NAV3: variants seen among roughly 807,000 people sequenced by gnomAD.
NAV3 encodes neuron navigator 3.
Under a neutral mutation model 244.7 loss-of-function variants are expected in NAV3, and 87 were observed. The ratio of observed to expected loss-of-function variants is 0.36; its 90% CI spans 0.30 to 0.42. The LOEUF (loss-of-function observed/expected upper bound fraction) is 0.42. NAV3 is among the 20% of genes least tolerant of loss of function. The pLI is 1.00. For missense variants in NAV3, 2,663 were observed against 2,893.3 expected (o/e 0.92, Z 1.83); for synonymous variants, 1,126 against 1,042.2 (o/e 1.08, Z -1.55).
rs946152906 is a variant in NAV3, at chr12:77,760,039, G to T, written c.73-180280G>T. ...TGAGGGAATTGGAATCTTCTCAATG[G>T]TGATTTGACTATTCGAGACTTTTGA... On this transcript the variant is annotated intron_variant, in intron 2 of 8. Transcript: ENST00000550042. Among the ~76,000 whole-genome samples, 7 of 152,192 alleles carry T rather than the reference G, an allele frequency of 4.6e-5. 1 individual carries two copies. Among genetic ancestry groups the T allele is most frequent in the African/African-American group, 1.7e-4 (7 of 41,452 alleles).
Position 77,606,082 on chromosome 12 carries a change from G to A in NAV3, c.72+33816G>A, listed in dbSNP as rs748536019. 1.4e-4 allele frequency among the ~76,000 whole-genome samples: 21 copies of A among 152,160 alleles called. No homozygotes were observed. In the East Asian group the frequency reaches 2.3e-3, roughly 17 times the overall value. On this transcript the variant is annotated intron_variant, in intron 2 of 8. Coordinates refer to the NAV3 transcript ENST00000550042. ...TGAGTTTCAGGTCTCTAGAGATACC[G>A]TCTGAAAAACCTCATAGGTAAAAAT... is the stretch of plus-strand genomic sequence containing the variant.
At chr12:78,072,614 G>A (rs1161388319) in intron 12 of NAV3, among the ~76,000 whole-genome samples, 2 of 68,404 alleles carry the variant, frequency 2.9e-5, no homozygotes, top group Non-Finnish European at 5.7e-5. Flanking sequence ...GGTACAAGGA[G>A]GAACTGGTAC....
intron 2 of NAV3, among the ~76,000 whole-genome samples, chr12:77,671,576 A>G (rs916391498): frequency 1.3e-5 from 2 of 152,222 alleles, no homozygotes; most frequent in African/African-American, 4.8e-5. Flanking sequence ...ACCTAGACTA[A>G]GGGAACAGAG....
rs528832889 is a variant in NAV3 at position 78,002,250 on chromosome 12, G to T, written c.880+3774G>T. ...ATGCATCATTTGATGGAGTTCCTTA[G>T]TGGAGAGGTGTTTTTCCATGTTGCT... On this transcript the variant is annotated intron_variant, in intron 7 of 39. Transcript: ENST00000397909. Among the ~76,000 whole-genome samples, 12 of 152,266 alleles carry T rather than the reference G, an allele frequency of 7.9e-5. No homozygotes were observed. In the South Asian group the frequency reaches 2.5e-3, roughly 32 times the overall value.
upstream of NAV3, among the ~76,000 whole-genome samples, chr12:77,826,156 A>T (rs10859433): frequency 0.42 from 64,252 of 151,866 alleles, 13,869 homozygotes; most frequent in East Asian, 0.53. Flanking sequence ...ACTCAGAGAT[A>T]CCCTTTGAGT....
chr12:77,982,911 C>G (rs1869826272), intron 5 of NAV3, among the ~76,000 whole-genome samples: 1 of 152,184 alleles, frequency 6.6e-6, no homozygotes, highest in African/African-American at 2.4e-5. Context: ...TATCATACTT[C>G]TCACATGGTA....
intron 2 of NAV3, among the ~76,000 whole-genome samples, chr12:77,800,382 G>GA (rs1210738562): frequency 6.6e-6 from 1 of 152,144 alleles, no homozygotes; most frequent in Admixed American, 6.5e-5. Context: ...GTCATTGTAG[G>GA]AAAGTGTTTT....
chr12:78,115,839 A>G (rs560352414), intron 12 of NAV3, among the ~76,000 whole-genome samples: 1 of 152,326 alleles, frequency 6.6e-6, no homozygotes, highest in East Asian at 1.9e-4. Context: ...CTAGGTTTGT[A>G]TAAGTACACT....
chr12:77,874,080 A>C (rs1881484533), intron 1 of NAV3, among the ~76,000 whole-genome samples: 1 of 152,036 alleles, frequency 6.6e-6, no homozygotes, highest in African/African-American at 2.4e-5. Context: ...AATTTAAGGC[A>C]GAACAGTTTC....
chr12:78,141,460 A>C (rs990000653), intron 20 of NAV3, among the ~76,000 whole-genome samples: 1 of 152,188 alleles, frequency 6.6e-6, no homozygotes, highest in African/African-American at 2.4e-5. Flanking sequence ...TGTAAGGTTC[A>C]TGAAGAGTTC....
At chr12:77,863,800 A>G (rs930174643) in intron 1 of NAV3, among the ~76,000 whole-genome samples, 9 of 151,914 alleles carry the variant, frequency 5.9e-5, no homozygotes, top group African/African-American at 2.2e-4. Flanking sequence ...TAATCCTTTG[A>G]AAGGTAGGGA....
intron 2 of NAV3, among the ~76,000 whole-genome samples, chr12:77,664,146 A>G (rs1031182517): frequency 6.6e-6 from 1 of 152,244 alleles, no homozygotes; most frequent in African/African-American, 2.4e-5. Context: ...GCATGTGCCA[A>G]TGGTGAAATA....
At chr12:77,964,241 G>A (rs1383168864) in intron 3 of NAV3, among the ~76,000 whole-genome samples, 1 of 151,926 alleles carries the variant, frequency 6.6e-6, no homozygotes, top group African/African-American at 2.4e-5. Context: ...GCCTTTTCTG[G>A]ATTTTCAGTG....
intron 5 of NAV3, among the ~76,000 whole-genome samples, chr12:77,975,144 A>AT (rs1593168749): frequency 6.6e-6 from 1 of 152,124 alleles, no homozygotes; most frequent in African/African-American, 2.4e-5. Flanking sequence ...ATTAGTTTAG[A>AT]TTTTTTTAAT....
chr12:77,791,524 G>C (rs532423855), intron 2 of NAV3, among the ~76,000 whole-genome samples: 3 of 152,226 alleles, frequency 2.0e-5, no homozygotes, highest in African/African-American at 7.2e-5. Flanking sequence ...GGTGGTTTGA[G>C]TATATTGTCT....
At chr12:77,620,105 A>G (rs562979441) in intron 2 of NAV3, among the ~76,000 whole-genome samples, 44 of 152,320 alleles carry the variant, frequency 2.9e-4, no homozygotes, top group African/African-American at 1.1e-3. Flanking sequence ...TAATTTTTGG[A>G]AAGACTACAA....
chr12:77,694,130 A>C (rs1489065006), intron 2 of NAV3, among the ~76,000 whole-genome samples: 1 of 151,868 alleles, frequency 6.6e-6, no homozygotes, highest in African/African-American at 2.4e-5. Flanking sequence ...TGATGTTTGT[A>C]TATCATCATG....
intron 12 of NAV3, among the ~76,000 whole-genome samples, chr12:78,092,207 G>A (rs1212353243): frequency 1.3e-5 from 2 of 152,066 alleles, no homozygotes; most frequent in East Asian, 1.9e-4. Flanking sequence ...GAAATTGGGG[G>A]AAATGCGTGC....
chr12:77,738,964 A>G (rs537117073), intron 2 of NAV3, among the ~76,000 whole-genome samples: 320 of 133,480 alleles, frequency 2.4e-3, no homozygotes, highest in African/African-American at 8.5e-3. Flanking sequence ...GTGAGCCGAG[A>G]TCGCGCTACT....
Sources: allele counts gnomAD v4.1 joint callset (sites outside exome capture counted in the v4.1 genomes callset), GRCh38; gene constraint gnomAD v4.1.1; transcripts MANE v1.5; gene names NCBI Gene and HGNC (gene_info 2026-07-23, HGNC 2026-07-21).